The following NAV2 variants were observed in gnomAD, a reference collection of about 807,000 sequenced individuals.
NAV2 encodes helicase, APC down-regulated 1.
NAV2 carries 54 observed loss-of-function variants against 223.2 expected under a neutral mutation model. The observed-to-expected ratio is 0.24, with a 90% CI of 0.19 to 0.30. The LOEUF (loss-of-function observed/expected upper bound fraction) is 0.30, where lower values mean the gene tolerates loss of function less well. Ranked by LOEUF, NAV2 falls within the 10% of genes least tolerant of loss-of-function variation. The pLI is 1.00. For missense variants in NAV2, 2,806 were observed against 3,147.5 expected, an observed-to-expected ratio of 0.89 and a Z score of 2.60; for synonymous variants, 1,279 against 1,239.3, an observed-to-expected ratio of 1.03 and a Z score of -0.67.
At chr11:19,808,477 G>C (rs1167358626) in intron 1 of NAV2, among the ~76,000 whole-genome samples, 1 of 152,198 alleles carries the variant, frequency 6.6e-6, no homozygotes, top group East Asian at 1.9e-4. Context: ...TGCACAAAAT[G>C]ATTAAATTAG....
At chr11:19,777,046 G>A (rs561098518) in intron 1 of NAV2, among the ~76,000 whole-genome samples, 6 of 151,840 alleles carry the variant, frequency 4.0e-5, no homozygotes, top group South Asian at 2.1e-4. Context: ...GTGCCACGCG[G>A]GGCGGCCCGC....
intron 1 of NAV2, among the ~76,000 whole-genome samples, chr11:19,803,716 T>C (rs1349064816): frequency 1.3e-5 from 2 of 152,266 alleles, no homozygotes; most frequent in Admixed American, 6.5e-5. Flanking sequence ...GGATAATGTA[T>C]AGTCCAGGGA....
intron 1 of NAV2, among the ~76,000 whole-genome samples, chr11:19,485,337 A>G (rs2042407392): frequency 6.6e-6 from 1 of 152,148 alleles, no homozygotes; most frequent in African/African-American, 2.4e-5. Context: ...GACTTGAGAT[A>G]TCCAACTGGG....
chr11:19,933,494 G>T lies in NAV2; in HGVS notation c.1250G>T (p.Gly417Val). 1 of 1,611,120 alleles carries T rather than the reference G, an allele frequency of 6.2e-7. No individual in the cohort carries two copies. Among genetic ancestry groups the T allele is most frequent in the South Asian group, 1.1e-5 (1 of 90,830 alleles). ...LFNSKGGSKA[G>V]EGPGSRDTSC... ...AACAGTAAAGGGGGCTCAAAGGCAGGTGAGGGGCCGGGGTCCCGGGACACA... is the reference window on the plus strand; with the variant it reads ...AACAGTAAAGGGGGCTCAAAGGCAGTTGAGGGGCCGGGGTCCCGGGACACA... Residue 417 changes from glycine to valine, a missense_variant, in exon 7 of 38, where the codon GGT (glycine) becomes GTT (valine). This residue lies in a region of NAV2 where 1,167 missense variants were observed against 1,180.5 expected (regional missense o/e 0.99). Transcript: ENST00000349880. This position sits in a 1 kb window ranked among gnomAD's most constrained non-coding sequence, Gnocchi z 4.3.
At chr11:20,018,353 C>CAA (rs34251713) in intron 11 of NAV2, among the ~76,000 whole-genome samples, 2,870 of 86,994 alleles carry the variant, frequency 0.033, 288 homozygotes, top group African/African-American at 0.12. Flanking sequence ...GATTCCATCT[C>CAA]AAAAAAAAAA....
intron 1 of NAV2, among the ~76,000 whole-genome samples, chr11:19,730,685 C>T (rs1009876405): frequency 3.3e-5 from 5 of 152,216 alleles, no homozygotes; most frequent in Admixed American, 6.5e-5. Flanking sequence ...AGGCTACAGC[C>T]GCTCTTTTCC....
At chr11:19,363,470 A>C (rs1392000166) in intron 1 of NAV2, among the ~76,000 whole-genome samples, 2 of 152,160 alleles carry the variant, frequency 1.3e-5, no homozygotes, top group African/African-American at 2.4e-5. Flanking sequence ...GTTTTCCCTG[A>C]TATCCCCCAG....
intron 1 of NAV2, among the ~76,000 whole-genome samples, chr11:19,626,078 C>T (rs1280766248): frequency 1.3e-5 from 2 of 152,068 alleles, no homozygotes; most frequent in African/African-American, 4.8e-5. Flanking sequence ...GTTGCCTGTG[C>T]TTTTGAGGTC....
chr11:20,112,605 C>G lies in NAV2; in HGVS notation c.6961-1987C>G, dbSNP rs559113702. Among the ~76,000 whole-genome samples the G allele has an allele frequency of 2.0e-5, 3 of 152,322 alleles. 1 individual carries two copies. The highest frequency in any genetic ancestry group is 4.1e-4 in the South Asian group (2 of 4,826). On this transcript the variant is annotated intron_variant, in intron 36 of 37. Coordinates refer to ENST00000349880, the MANE Select transcript of NAV2 (RefSeq NM_145117.5). ...TGTCACACTGATATCTGGCCAACAGCCTGCTCCGCGTCTCCCTGCTCTGGG... is the reference window on the plus strand; with the variant it reads ...TGTCACACTGATATCTGGCCAACAGGCTGCTCCGCGTCTCCCTGCTCTGGG...
In NAV2 at chr11:19,590,260, C is replaced by T. The variant is rs60943094; in HGVS notation, c.75+239233C>T. On this transcript the variant is annotated intron_variant, in intron 1 of 37. Coordinates refer to the NAV2 transcript ENST00000360655. The stretch of plus-strand genomic sequence containing the variant: ...ATCAGCTATTTTTAAAATTATGATA[C>T]GATGATGGTGTTGGACTAGCTTAGG... Among the ~76,000 whole-genome samples, 1,518 of 152,204 alleles carry T rather than the reference C, an allele frequency of 1.0e-2. 15 individuals carry two copies. Among genetic ancestry groups the T allele is most frequent in the South Asian group, 0.037 (180 of 4,822 alleles).
intron 22 of NAV2, among the ~76,000 whole-genome samples, chr11:20,070,237 C>T (rs879371300): frequency 2.0e-5 from 3 of 151,004 alleles, no homozygotes; most frequent in Non-Finnish European, 4.4e-5. Flanking sequence ...CCAGAACAAA[C>T]CCTAGACCCA....
chr11:19,777,540 A>AC (rs1374357579), intron 1 of NAV2: 1 of 453,394 alleles, frequency 2.2e-6, no homozygotes, highest in East Asian at 7.1e-5. Context: ...TGCAGACCGC[A>AC]CCCCCTGGGC....
intron 1 of NAV2, among the ~76,000 whole-genome samples, chr11:19,827,018 G>A (rs1370379254): frequency 6.6e-6 from 1 of 152,172 alleles, no homozygotes; most frequent in African/African-American, 2.4e-5. Flanking sequence ...ACAGGCTGCT[G>A]AGGTTTGGGT....
chr11:19,760,597 T>C (rs2054654231), intron 1 of NAV2, among the ~76,000 whole-genome samples: 1 of 152,160 alleles, frequency 6.6e-6, no homozygotes, highest in African/African-American at 2.4e-5. Flanking sequence ...CCAGGCTTCT[T>C]TCCCCTCTGT....
chr11:20,004,549 C>A (rs2052864509), intron 11 of NAV2, among the ~76,000 whole-genome samples: 1 of 152,156 alleles, frequency 6.6e-6, no homozygotes, highest in South Asian at 2.1e-4. Context: ...TGATGCTGGG[C>A]AGTTTTGGTA....
Position 20,080,071 on chromosome 11 carries a change from C to T in NAV2, c.5187C>T (p.Gly1729=), listed in dbSNP as rs368192727. 37 of 1,613,624 alleles carry T rather than the reference C, an allele frequency of 2.3e-5. No homozygotes were observed. The African/African-American group carries it at 3.1e-4, about 13-fold the overall frequency. Reference sequence around the variant, plus strand: ...CCCTGCCTTGGTCTCCAGGAAACGGCACTGCCCAGTCTGCAGACCTCCGCA... The same window carrying T: ...CCCTGCCTTGGTCTCCAGGAAACGGTACTGCCCAGTCTGCAGACCTCCGCA... ...NTPELNCKGN[G]TAQSADLRIR... Residue 1729 remains glycine (G), a synonymous_variant, in exon 25 of 38, where the codon GGC becomes GGT. Coordinates refer to ENST00000349880, the MANE Select transcript of NAV2 (RefSeq NM_145117.5).
intron 25 of NAV2, among the ~76,000 whole-genome samples, chr11:20,080,443 G>A (rs1466435464): frequency 1.3e-5 from 2 of 152,058 alleles, no homozygotes; most frequent in African/African-American, 2.4e-5. Context: ...TCTTTCATGA[G>A]ACTTTTCATA....
chr11:19,668,151 G>A (rs2135781561), intron 1 of NAV2, among the ~76,000 whole-genome samples: 1 of 152,260 alleles, frequency 6.6e-6, no homozygotes, highest in African/African-American at 2.4e-5. Context: ...GAGCAGGGAG[G>A]GAAATGTTAC....
intron 2 of NAV2, among the ~76,000 whole-genome samples, chr11:19,836,912 T>C (rs1490736494): frequency 6.6e-6 from 1 of 152,202 alleles, no homozygotes; most frequent in African/African-American, 2.4e-5. Flanking sequence ...GAAGGCGTGA[T>C]CCAGCTCTCT....
Sources: allele counts gnomAD v4.1 joint callset (sites outside exome capture counted in the v4.1 genomes callset), GRCh38; gene constraint gnomAD v4.1.1; regional missense constraint gnomAD v4.1.1; non-coding constraint Gnocchi (gnomAD v3.1); transcripts MANE v1.5; gene names NCBI Gene and HGNC (gene_info 2026-07-23, HGNC 2026-07-21).